TNRC6C: variants seen among roughly 807,000 people sequenced by gnomAD.
TNRC6C encodes trinucleotide repeat-containing gene 6C protein.
TNRC6C carries 20 observed loss-of-function variants against 153.7 expected under a neutral mutation model. The observed-to-expected ratio is 0.13, with a 90% confidence interval of 0.09 to 0.19. The LOEUF (loss-of-function observed/expected upper bound fraction) is 0.19. Ranked by LOEUF, TNRC6C falls within the 10% of genes least tolerant of loss-of-function variation. The pLI is 1.00. For synonymous variants in TNRC6C, 811 were observed against 841.4 expected, an observed-to-expected ratio of 0.96 and a Z score of 0.63; for missense variants, 1,987 against 2,172.0, an observed-to-expected ratio of 0.91 and a Z score of 1.69.
chr17:78,005,038 C>T, upstream of TNRC6C: 1 of 1,207,832 alleles, frequency 8.3e-7, no homozygotes. Flanking sequence ...CTTTCTTTCT[C>T]TCTCTTTTTT....
At chr17:77,976,188 A>G (rs936794944) in intron 1 of TNRC6C, among the ~76,000 whole-genome samples, 5 of 152,284 alleles carry the variant, frequency 3.3e-5, no homozygotes, top group Middle Eastern at 3.4e-3. Flanking sequence ...TCTCACTATC[A>G]CACATTTGCT....
intron 1 of TNRC6C, among the ~76,000 whole-genome samples, chr17:77,967,086 T>C (rs1223701235): frequency 1.3e-5 from 2 of 152,226 alleles, no homozygotes; most frequent in East Asian, 3.8e-4. Context: ...ATATTTTTTA[T>C]TTTATCAGTC....
At chr17:77,957,864 G>A (rs2070820145), upstream of TNRC6C, among the ~76,000 whole-genome samples, 1 of 152,234 alleles carries the variant, frequency 6.6e-6, no homozygotes, top group South Asian at 2.1e-4. Context: ...GGGAGGAATC[G>A]TGGGGTGCGT....
Position 78,077,281 on chromosome 17 carries a change from C to T in TNRC6C, c.3157C>T (p.Leu1053=), listed in dbSNP as rs748375114. The T allele has an allele frequency of 1.5e-4, 244 of 1,591,778 alleles. No homozygotes were observed. The highest frequency in any genetic ancestry group is 2.0e-4 in the Non-Finnish European group (232 of 1,169,298). Residue 1053 remains leucine (L), a synonymous_variant, in exon 9 of 20, where the codon CTG becomes TTG. Coordinates refer to ENST00000301624, the Ensembl canonical transcript of TNRC6C. ...ACACAGTGCACTCCCCAGTCAGGCC[C>T]TGGGTGGGATTGCCTCCGGGCTGGG...
chr17:77,975,774 C>T (rs935150413), intron 1 of TNRC6C, among the ~76,000 whole-genome samples: 20 of 152,174 alleles, frequency 1.3e-4, no homozygotes, highest in Non-Finnish European at 2.8e-4. Context: ...CCATGATATA[C>T]TTTTATCATT....
chr17:78,071,748 T>C (rs1024092000), intron 6 of TNRC6C, among the ~76,000 whole-genome samples: 2 of 152,240 alleles, frequency 1.3e-5, no homozygotes, highest in African/African-American at 4.8e-5. Flanking sequence ...TTACTTTTAA[T>C]TTATAATTAA....
intron 1 of TNRC6C, among the ~76,000 whole-genome samples, chr17:78,005,571 C>T (rs190649901): frequency 8.5e-5 from 13 of 152,304 alleles, no homozygotes; most frequent in Non-Finnish European, 1.5e-4. Flanking sequence ...TGGAAACACA[C>T]GCATTTCTCA....
At chr17:78,036,212 C>T (rs1037523343) in intron 2 of TNRC6C, among the ~76,000 whole-genome samples, 6 of 152,142 alleles carry the variant, frequency 3.9e-5, no homozygotes, top group Admixed American at 2.0e-4. Flanking sequence ...TGTCTTAGTA[C>T]GTAAACTCTT....
chr17:78,082,588 C>T (rs1039964556), intron 10 of TNRC6C, among the ~76,000 whole-genome samples: 3 of 152,186 alleles, frequency 2.0e-5, no homozygotes, highest in African/African-American at 7.2e-5. Context: ...TATGCCTTAA[C>T]CCTAAAGAGA....
At position 78,046,628 on chromosome 17, in the gene TNRC6C, C is replaced by T. The variant is rs187113037; in HGVS notation, c.-218-2217C>T. ...AAATTTATCACCTGTTTATGTCTTA[C>T]GTATTTCATGTCTTCTACAAGATGA... On this transcript the variant is annotated intron_variant, in intron 2 of 19. Coordinates refer to ENST00000301624, the Ensembl canonical transcript of TNRC6C. 9.9e-5 allele frequency among the ~76,000 whole-genome samples: 15 copies of T among 152,260 alleles called. 1 individual carries two copies. The South Asian group carries it at 2.1e-3, about 21-fold the overall frequency.
At chr17:78,013,788 A>T (rs983716849) in intron 1 of TNRC6C, among the ~76,000 whole-genome samples, 4 of 152,160 alleles carry the variant, frequency 2.6e-5, no homozygotes, top group African/African-American at 7.2e-5. Context: ...ATCTGTAAAG[A>T]GCCTGTGGCC....
At chr17:78,094,584 G>A (rs1004461124) in intron 16 of TNRC6C, among the ~76,000 whole-genome samples, 10 of 151,884 alleles carry the variant, frequency 6.6e-5, no homozygotes, top group South Asian at 2.1e-4. Context: ...GACTACAGGC[G>A]TGCACCACCA....
intron 1 of TNRC6C, among the ~76,000 whole-genome samples, chr17:77,985,045 A>G (rs1404252235): frequency 1.3e-5 from 2 of 152,156 alleles, no homozygotes; most frequent in Non-Finnish European, 2.9e-5. Context: ...TACTAACAAC[A>G]TTACTATTTA....
chr17:78,021,940 T>A (rs1006570554), intron 1 of TNRC6C, among the ~76,000 whole-genome samples: 1 of 152,196 alleles, frequency 6.6e-6, no homozygotes, highest in African/African-American at 2.4e-5. Context: ...TTACCAGGAT[T>A]TTTCCTCTGG....
chr17:77,978,871 C>T (rs1354675126), intron 1 of TNRC6C, among the ~76,000 whole-genome samples: 9 of 152,078 alleles, frequency 5.9e-5, no homozygotes, highest in Non-Finnish European at 1.2e-4. Flanking sequence ...TTTGAATTGG[C>T]TGAAATAGAT....
intron 13 of TNRC6C, among the ~76,000 whole-genome samples, chr17:78,090,204 C>T (rs773710688): frequency 2.0e-5 from 3 of 152,154 alleles, no homozygotes; most frequent in Non-Finnish European, 4.4e-5. Flanking sequence ...TCTGGCTTCT[C>T]TTAAAAATGG....
chr17:78,053,877 A>G (rs66795527), intron 3 of TNRC6C, among the ~76,000 whole-genome samples: 10,374 of 152,206 alleles, frequency 0.068, 400 homozygotes, highest in Middle Eastern at 0.1. Flanking sequence ...TTAAACAAAC[A>G]AACAAAAAAG....
chr17:78,104,793 C>T lies in TNRC6C; in HGVS notation c.5021C>T (p.Thr1674Met), dbSNP rs760172112. 14 of 1,443,842 alleles carry T rather than the reference C, an allele frequency of 9.7e-6. No homozygotes were observed. In the Admixed American group the frequency reaches 1.3e-4, roughly 13 times the overall value. The allele number at this position is 1,443,842 out of a possible 1,614,324, so 89.4% of individuals were successfully genotyped here. A position where few individuals can be genotyped will look rare whatever the true frequency, so the allele number is the denominator to read the frequency against. The change falls in exon 20 of 20, where the codon ACG becomes ATG. Residue 1674 changes from threonine (T) to methionine (M), a missense_variant. Physicochemically the swap from Thr to Met is moderately conservative, Grantham distance 81 (BLOSUM62 -1). Around this residue, in one of 4 missense-constraint regions of TNRC6C, gnomAD observed 139 missense variants for 148.5 expected, o/e 0.94. Transcript: ENST00000301624. This position sits in a 1 kb window ranked among gnomAD's most constrained non-coding sequence, Gnocchi z 6.2. ...GACAGCAGGGTGATAGGCAGCCCCACGCCGCTAACCACCCTGCTGCCTGGG... is the reference window on the plus strand; with the variant it reads ...GACAGCAGGGTGATAGGCAGCCCCATGCCGCTAACCACCCTGCTGCCTGGG...
At chr17:78,097,112 G>A (rs1007787541) in intron 16 of TNRC6C, among the ~76,000 whole-genome samples, 1 of 152,164 alleles carries the variant, frequency 6.6e-6, no homozygotes, top group African/African-American at 2.4e-5. Flanking sequence ...TGACTCCGGA[G>A]GCTGAGGCAA....
Sources: allele counts gnomAD v4.1 joint callset (sites outside exome capture counted in the v4.1 genomes callset), GRCh38; gene constraint gnomAD v4.1.1; regional missense constraint gnomAD v4.1.1; non-coding constraint Gnocchi (gnomAD v3.1); transcripts MANE v1.5; gene names NCBI Gene and HGNC (gene_info 2026-07-23, HGNC 2026-07-21).